The following NEK11 variants were observed in gnomAD, a reference collection of about 807,000 sequenced individuals.
NEK11 encodes the protein serine/threonine-protein kinase Nek11.
Under a neutral mutation model 80.7 loss-of-function variants are expected in NEK11, and 72 were observed. The observed-to-expected ratio is 0.89, with a 90% CI of 0.74 to 1.08. The LOEUF is 1.08. Ranked by LOEUF, NEK11 falls within the 50% of genes least tolerant of loss-of-function variation. NEK11 has a pLI of 0.00. For missense variants in NEK11, 764 were observed against 763.6 expected, an observed-to-expected ratio of 1.00 and a Z score of -0.01; for synonymous variants, 251 against 260.7, an observed-to-expected ratio of 0.96 and a Z score of 0.36.
chr3:131,297,075 G>A (rs928688296), intron 17 of NEK11, among the ~76,000 whole-genome samples: 4 of 152,122 alleles, frequency 2.6e-5, no homozygotes, highest in African/African-American at 9.7e-5. Flanking sequence ...TGGACATTTG[G>A]GTTGTTTCCA....
intron 17 of NEK11, among the ~76,000 whole-genome samples, chr3:131,335,620 C>G (rs1007251623): frequency 1.8e-4 from 27 of 152,014 alleles, no homozygotes; most frequent in African/African-American, 6.0e-4. Flanking sequence ...CTGGCCAGGG[C>G]AATTAGGCAG....
intron 7 of NEK11, among the ~76,000 whole-genome samples, chr3:131,142,736 A>G (rs1002977303): frequency 5.3e-5 from 8 of 152,318 alleles, no homozygotes; most frequent in South Asian, 2.1e-4. Flanking sequence ...ACTTTTAGCC[A>G]GTTTTTCTCT....
At chr3:131,119,560 G>A (rs892556785) in intron 5 of NEK11, among the ~76,000 whole-genome samples, 1 of 152,146 alleles carries the variant, frequency 6.6e-6, no homozygotes, top group Non-Finnish European at 1.5e-5. Flanking sequence ...GCCTAATGTT[G>A]ACAGTGGGAT....
intron 17 of NEK11, among the ~76,000 whole-genome samples, chr3:131,332,762 A>G (rs1335877650): frequency 6.6e-6 from 1 of 152,190 alleles, no homozygotes; most frequent in Non-Finnish European, 1.5e-5. Flanking sequence ...CAATACAGAG[A>G]AGTGCTTAAA....
chr3:131,089,835 G>A (rs372189832), intron 4 of NEK11, among the ~76,000 whole-genome samples: 6 of 152,248 alleles, frequency 3.9e-5, no homozygotes, highest in African/African-American at 4.8e-5. Context: ...AGATTTTGAT[G>A]CATAATATTT....
chr3:131,284,498 C>A (rs1213010976), intron 17 of NEK11, among the ~76,000 whole-genome samples: 1 of 152,236 alleles, frequency 6.6e-6, no homozygotes, highest in South Asian at 2.1e-4. Context: ...CCCCAATACT[C>A]CCTGTGATGG....
In NEK11 at chr3:131,073,425, GA is replaced by G; in HGVS notation, c.171-6995del. Among the ~76,000 whole-genome samples, 3 of 152,270 alleles carry G rather than the reference GA, an allele frequency of 2.0e-5. No individual in the cohort carries two copies. In the East Asian group the frequency reaches 5.8e-4, roughly 29 times the overall value. On this transcript the variant is annotated intron_variant, in intron 3 of 17. Coordinates refer to ENST00000383366, the MANE Select transcript of NEK11 (RefSeq NM_024800.5). ...GGAAATATAATCTAGACAGCAGCCA[GA>G]AATAGCATGTTTGCCAAACAAAAAT... is the stretch of plus-strand genomic sequence containing the variant.
chr3:131,335,606 C>T (rs201786294), intron 17 of NEK11, among the ~76,000 whole-genome samples: 8 of 151,804 alleles, frequency 5.3e-5, no homozygotes, highest in African/African-American at 9.7e-5. Flanking sequence ...TAGTGTTGGA[C>T]GTTCTGGCCA....
intron 17 of NEK11, among the ~76,000 whole-genome samples, chr3:131,348,934 C>A (rs947687415): frequency 3.3e-5 from 5 of 150,548 alleles, no homozygotes; most frequent in African/African-American, 1.2e-4. Flanking sequence ...AACTATTCTC[C>A]CCCTCATTTT....
chr3:131,109,617 C>G, intron 4 of NEK11, 186 bp from the exon 5 acceptor site: 1 of 556,906 alleles, frequency 1.8e-6, no homozygotes, highest in East Asian at 3.3e-5. Flanking sequence ...AATGTTGAGG[C>G]CGAGCTGAGA....
intron 17 of NEK11, among the ~76,000 whole-genome samples, chr3:131,312,032 G>C (rs1471181972): frequency 6.6e-6 from 1 of 152,190 alleles, no homozygotes; most frequent in African/African-American, 2.4e-5. Context: ...AAGGCAACCA[G>C]GCCACAGTCA....
At chr3:131,229,212 A>G (rs2095280163) in intron 15 of NEK11, among the ~76,000 whole-genome samples, 1 of 152,104 alleles carries the variant, frequency 6.6e-6, no homozygotes, top group Admixed American at 6.5e-5. Context: ...TTAAGTGGTG[A>G]AGTCTCTGAG....
intron 14 of NEK11, among the ~76,000 whole-genome samples, chr3:131,193,205 T>G (rs2093870088): frequency 1.3e-5 from 2 of 152,186 alleles, no homozygotes; most frequent in African/African-American, 4.8e-5. Context: ...TACCTTTTTT[T>G]TAGCGACTAG....
intron 14 of NEK11, among the ~76,000 whole-genome samples, chr3:131,219,388 T>A (rs544795862): frequency 1.4e-4 from 21 of 150,850 alleles, no homozygotes; most frequent in African/African-American, 4.9e-4. Context: ...CACTGGGGTC[T>A]GTCAGGGGGT....
At chr3:131,031,876 A>C (rs2064905486) in intron 3 of NEK11, among the ~76,000 whole-genome samples, 1 of 152,172 alleles carries the variant, frequency 6.6e-6, no homozygotes, top group African/African-American at 2.4e-5. Context: ...CATCATCAGA[A>C]TCTAAAACAT....
intron 17 of NEK11, among the ~76,000 whole-genome samples, chr3:131,274,632 CTTTTTTTTTTT>C (rs756861338): frequency 4.2e-4 from 19 of 45,330 alleles, no homozygotes; most frequent in South Asian, 2.2e-3. Flanking sequence ...TGTTTCCTGA[CTTTTTTTTTTT>C]TTTTTTTTTT....
intron 3 of NEK11, among the ~76,000 whole-genome samples, chr3:131,033,994 A>G (rs1560104396): frequency 6.6e-6 from 1 of 152,116 alleles, no homozygotes; most frequent in Non-Finnish European, 1.5e-5. Context: ...AATTATAGAC[A>G]CTCTAGTCTA....
chr3:131,283,660 G>C (rs1374908572), intron 17 of NEK11, among the ~76,000 whole-genome samples: 1 of 152,128 alleles, frequency 6.6e-6, no homozygotes, highest in African/African-American at 2.4e-5. Flanking sequence ...CAGATGCAGT[G>C]ATGGTTCTTT....
At chr3:131,349,525 C>G (rs1450990778) in intron 17 of NEK11, 32 bp from the exon 18 acceptor site, 10 of 1,564,436 alleles carry the variant, frequency 6.4e-6, no homozygotes, top group African/African-American at 1.4e-5. Flanking sequence ...TAATGTGTAA[C>G]TCTTTGTAAT....
Sources: gnomAD v4.1 joint callset for allele counts (sites outside exome capture counted in the v4.1 genomes callset) on GRCh38, gnomAD v4.1.1 for gene constraint, MANE v1.5 for transcripts, NCBI Gene and HGNC (gene_info 2026-07-23, HGNC 2026-07-21) for gene names.